Variants in FSTL4 observed in about 807,000 individuals in gnomAD.
FSTL4 encodes follistatin like 4.
Under a neutral mutation model 78.2 loss-of-function variants are expected in FSTL4, and 28 were observed. That is an observed-to-expected ratio of 0.36 (90% CI 0.27 to 0.49). The LOEUF (loss-of-function observed/expected upper bound fraction) is 0.49. Ranked by LOEUF, FSTL4 falls within the 20% of genes least tolerant of loss-of-function variation. The probability of loss-of-function intolerance (pLI) is 0.98; values close to 1 mark genes in which losing one functional copy is unlikely to be tolerated. For synonymous variants in FSTL4, 422 were observed against 440.5 expected (o/e 0.96, Z 0.53); for missense variants, 922 against 1,084.9 (o/e 0.85, Z 2.11).
At chr5:133,418,378 T>C (rs2126985173) in intron 3 of FSTL4, among the ~76,000 whole-genome samples, 1 of 152,200 alleles carries the variant, frequency 6.6e-6, no homozygotes, top group African/African-American at 2.4e-5. Context: ...AAAAGCATAA[T>C]TCAAGAAACA....
At chr5:133,468,802 T>C (rs1222019895) in intron 3 of FSTL4, among the ~76,000 whole-genome samples, 3 of 152,160 alleles carry the variant, frequency 2.0e-5, no homozygotes, top group Admixed American at 1.3e-4. Context: ...TCCAGGACTT[T>C]CCAGCTCAGT....
intron 3 of FSTL4, among the ~76,000 whole-genome samples, chr5:133,499,218 T>C (rs1016529563): frequency 2.0e-5 from 3 of 152,100 alleles, no homozygotes; most frequent in Admixed American, 6.6e-5. Flanking sequence ...ACGCCATCCC[T>C]GTCTAATGTC....
intron 1 of FSTL4, among the ~76,000 whole-genome samples, chr5:133,605,091 G>GA (rs1189830734): frequency 6.6e-6 from 1 of 152,182 alleles, no homozygotes. Context: ...TGTCCAATAA[G>GA]CTGTACTTTT....
At chr5:133,574,001 A>C (rs567060165) in intron 2 of FSTL4, among the ~76,000 whole-genome samples, 1 of 152,334 alleles carries the variant, frequency 6.6e-6, no homozygotes, top group Non-Finnish European at 1.5e-5. Context: ...AAATTTCTTA[A>C]AGAGGATGTG....
intron 14 of FSTL4, chr5:133,208,399 T>C (rs1750593372): frequency 6.6e-6 from 1 of 152,250 alleles, no homozygotes; most frequent in African/African-American, 2.4e-5. Flanking sequence ...GTGCTGGAAC[T>C]TTATCACTAG....
At chr5:133,622,901 T>C in the FSTL4 span, among the ~76,000 whole-genome samples, 4 of 152,142 alleles carry the variant, frequency 2.6e-5, no homozygotes, top group Non-Finnish European at 5.9e-5. Context: ...AAGTTTTTAA[T>C]TTTGATGCAG....
chr5:133,363,218 T>A (rs1755108232), intron 4 of FSTL4, among the ~76,000 whole-genome samples: 1 of 152,146 alleles, frequency 6.6e-6, no homozygotes, highest in South Asian at 2.1e-4. Flanking sequence ...AATTACCTCA[T>A]GGTTAAGCAT....
chr5:133,551,027 T>C (rs968615689), intron 3 of FSTL4, among the ~76,000 whole-genome samples: 1 of 151,706 alleles, frequency 6.6e-6, no homozygotes, highest in African/African-American at 2.4e-5. Flanking sequence ...GAGGTTAGAG[T>C]TTCCATGCAG....
chr5:133,795,562 G>A, the FSTL4 span, among the ~76,000 whole-genome samples: 13 of 152,206 alleles, frequency 8.5e-5, no homozygotes, highest in South Asian at 4.1e-4. Context: ...GAAGGACTTC[G>A]GAAAGCTTTG....
chr5:133,378,636 G>A (rs1189618736), intron 4 of FSTL4, among the ~76,000 whole-genome samples: 1 of 152,030 alleles, frequency 6.6e-6, no homozygotes, highest in African/African-American at 2.4e-5. Context: ...AATGTAAAGT[G>A]TAAAATACAT....
the FSTL4 span, among the ~76,000 whole-genome samples, chr5:133,623,320 G>A: frequency 1.3e-5 from 2 of 151,998 alleles, no homozygotes; most frequent in Non-Finnish European, 2.9e-5. Context: ...TAGACCAATG[G>A]AATAGAATTG....
At chr5:133,379,600 G>A (rs1224572576) in intron 4 of FSTL4, among the ~76,000 whole-genome samples, 1 of 152,116 alleles carries the variant, frequency 6.6e-6, no homozygotes, top group Non-Finnish European at 1.5e-5. Context: ...AATGAAATCT[G>A]GGAAATTCAC....
At chr5:133,700,426 A>G in the FSTL4 span, among the ~76,000 whole-genome samples, 811 of 150,028 alleles carry the variant, frequency 5.4e-3, 12 homozygotes, top group Admixed American at 6.7e-3. Context: ...ACACCAAACC[A>G]TCACACCAAA....
chr5:133,634,682 G>T, the FSTL4 span, among the ~76,000 whole-genome samples: 1 of 152,252 alleles, frequency 6.6e-6, no homozygotes, highest in South Asian at 2.1e-4. Context: ...ATAGCAATCT[G>T]TACTCTCTAG....
chr5:133,667,127 A>G, the FSTL4 span, among the ~76,000 whole-genome samples: 1 of 152,152 alleles, frequency 6.6e-6, no homozygotes, highest in African/African-American at 2.4e-5. Flanking sequence ...CCGTCTCGAC[A>G]AAAGGCCCAC....
At chr5:133,257,974 A>T (rs1040056869) in intron 6 of FSTL4, among the ~76,000 whole-genome samples, 1 of 152,246 alleles carries the variant, frequency 6.6e-6, no homozygotes, top group African/African-American at 2.4e-5. Context: ...ATTTACAAAA[A>T]TTCATACAGA....
chr5:133,755,518 C>G, the FSTL4 span, among the ~76,000 whole-genome samples: 1 of 152,252 alleles, frequency 6.6e-6, no homozygotes, highest in East Asian at 1.9e-4. Context: ...TCCTCTCCTC[C>G]CCCTGCCCAC....
the FSTL4 span, among the ~76,000 whole-genome samples, chr5:133,834,266 C>T: frequency 6.6e-6 from 1 of 152,124 alleles, no homozygotes. Flanking sequence ...AAGCAATAAA[C>T]ATGGGCACCC....
At chr5:133,353,168 C>T (rs958130420) in intron 4 of FSTL4, among the ~76,000 whole-genome samples, 1 of 152,114 alleles carries the variant, frequency 6.6e-6, no homozygotes, top group Non-Finnish European at 1.5e-5. Flanking sequence ...CTTCCCCTAC[C>T]CCCTTTACAA....
Sources: allele counts gnomAD v4.1 joint callset (sites outside exome capture counted in the v4.1 genomes callset), GRCh38; gene constraint gnomAD v4.1.1; transcripts MANE v1.5; gene names NCBI Gene and HGNC (gene_info 2026-07-23, HGNC 2026-07-21).